The following CHSY1 variants were observed in gnomAD, a reference collection of about 807,000 sequenced individuals.
CHSY1 encodes chondroitin sulfate synthase 1.
Under a neutral mutation model 59.8 loss-of-function variants are expected in CHSY1, and 13 were observed. That is an observed-to-expected ratio of 0.22 (90% CI 0.14 to 0.35). The LOEUF (loss-of-function observed/expected upper bound fraction) is 0.35, where lower values mean the gene tolerates loss of function less well. CHSY1 is among the 10% of genes least tolerant of loss of function. The probability of loss-of-function intolerance (pLI) is 1.00; values close to 1 mark genes in which losing one functional copy is unlikely to be tolerated. For missense variants in CHSY1, 947 were observed against 1,030.6 expected (o/e 0.92, Z 1.11); for synonymous variants, 459 against 401.2 (o/e 1.14, Z -1.72).
Position 101,186,147 on chromosome 15 carries a change from CAAAAAAAAAA to C in CHSY1, c.817-7177_817-7168del, listed in dbSNP as rs35398576. The stretch of plus-strand genomic sequence containing the variant: ...CAACATGGTGAAACCTTGTCTCTAC[CAAAAAAAAAA>C]AAAAAAAAAAAAAATAGCCAGGGGT... On this transcript the variant is annotated intron_variant, in intron 2 of 2. Coordinates refer to ENST00000254190, the MANE Select transcript of CHSY1 (RefSeq NM_014918.5). Among the ~76,000 whole-genome samples the C allele has an allele frequency of 5.6e-3, 449 of 79,586 alleles. 3 individuals are homozygous for C. The highest frequency in any genetic ancestry group is 0.019 in the African/African-American group (407 of 21,272). 52.2% of individuals were successfully genotyped at this position (79,586 alleles called of 152,430 possible).
At chr15:101,237,502 G>C (rs895448594) in intron 1 of CHSY1, among the ~76,000 whole-genome samples, 2 of 152,208 alleles carry the variant, frequency 1.3e-5, no homozygotes, top group African/African-American at 4.8e-5. Context: ...GGGAAGATGA[G>C]TGGTCAATTG....
intron 2 of CHSY1, among the ~76,000 whole-genome samples, chr15:101,218,810 A>C (rs1033661803): frequency 2.0e-5 from 3 of 152,238 alleles, no homozygotes; most frequent in African/African-American, 7.2e-5. Context: ...ACTGTTAAAC[A>C]CATGAGTATA....
At chr15:101,188,075 T>C in intron 2 of CHSY1, 1 of 985,508 alleles carries the variant, frequency 1.0e-6, no homozygotes, top group Non-Finnish European at 1.2e-6. Context: ...GTTCTTCCTG[T>C]TAACTGTTTA....
chr15:101,232,737 C>A (rs534091224), intron 2 of CHSY1, among the ~76,000 whole-genome samples: 140 of 152,306 alleles, frequency 9.2e-4, no homozygotes, highest in Non-Finnish European at 1.6e-3. Flanking sequence ...TAAAGCACTT[C>A]AACAAAACTG....
chr15:101,203,183 TA>T (rs1374808561), intron 2 of CHSY1, among the ~76,000 whole-genome samples: 3 of 151,968 alleles, frequency 2.0e-5, no homozygotes, highest in Non-Finnish European at 2.9e-5. Context: ...ACCCCTGAAA[TA>T]GGGGGGGTGA....
chr15:101,191,604 T>C (rs1015752872), intron 2 of CHSY1, among the ~76,000 whole-genome samples: 1 of 152,184 alleles, frequency 6.6e-6, no homozygotes, highest in Non-Finnish European at 1.5e-5. Flanking sequence ...GGTTCACCAA[T>C]TGTAACAAAG....
At chr15:101,248,911 C>G (rs1234905718) in intron 1 of CHSY1, among the ~76,000 whole-genome samples, 2 of 151,542 alleles carry the variant, frequency 1.3e-5, no homozygotes, top group Non-Finnish European at 2.9e-5. Context: ...CTCAGCCTCC[C>G]GAGTAGCTGG....
rs145002451 is a variant in CHSY1, at chr15:101,178,279, A to G, written c.1518T>C (p.Phe506=). 1,100 of 1,612,924 alleles carry G rather than the reference A, an allele frequency of 6.8e-4. 11 individuals are homozygous for G. In the African/African-American group the frequency reaches 0.013, roughly 20 times the overall value. Residue 506 remains phenylalanine, a synonymous_variant, in exon 3 of 3, where the codon TTT becomes TTC. Transcript: ENST00000254190. ...RINQESGSLS[F]LSNSLKKLVP... ...CGAGCTTCTTCAGGGAGTTTGAGAG[A>G]AAGGACAAGGATCCAGATTCCTGAT...
intron 2 of CHSY1, among the ~76,000 whole-genome samples, chr15:101,229,575 C>G (rs1368278948): frequency 6.6e-6 from 1 of 152,116 alleles, no homozygotes; most frequent in Non-Finnish European, 1.5e-5. Flanking sequence ...AAAAACCTGA[C>G]AGAACTGAAG....
intron 2 of CHSY1, among the ~76,000 whole-genome samples, chr15:101,230,395 A>G (rs1001390254): frequency 6.6e-6 from 1 of 152,158 alleles, no homozygotes; most frequent in Non-Finnish European, 1.5e-5. Flanking sequence ...GTGACAACCC[A>G]AAGTCAAGAA....
chr15:101,219,369 C>T (rs985593837), intron 2 of CHSY1, among the ~76,000 whole-genome samples: 2 of 152,136 alleles, frequency 1.3e-5, no homozygotes, highest in African/African-American at 4.8e-5. Context: ...CTGCAGACGA[C>T]AAAACAAAGG....
chr15:101,205,930 C>G (rs369585057), intron 2 of CHSY1, among the ~76,000 whole-genome samples: 83 of 149,974 alleles, frequency 5.5e-4, no homozygotes, highest in African/African-American at 2.0e-3. Context: ...CCAGCCTGGG[C>G]GAAAGAGAGA....
At chr15:101,188,353 T>C (rs868509098) in intron 2 of CHSY1, 2 of 195,122 alleles carry the variant, frequency 1.0e-5, no homozygotes, top group African/African-American at 2.4e-5. Flanking sequence ...GGTAACTTAC[T>C]GTCCCAAGCA....
intron 2 of CHSY1, among the ~76,000 whole-genome samples, chr15:101,192,020 G>A (rs2038451822): frequency 6.6e-6 from 1 of 152,144 alleles, no homozygotes; most frequent in Non-Finnish European, 1.5e-5. Flanking sequence ...GAGTAGGATT[G>A]TTTGTTCTTT....
chr15:101,219,482 A>G (rs1386775326), intron 2 of CHSY1, among the ~76,000 whole-genome samples: 1 of 152,220 alleles, frequency 6.6e-6, no homozygotes, highest in Non-Finnish European at 1.5e-5. Context: ...CTTTTTAAAA[A>G]TAAACAAATC....
At chr15:101,249,572 G>A (rs184513328) in intron 1 of CHSY1, among the ~76,000 whole-genome samples, 2 of 141,488 alleles carry the variant, frequency 1.4e-5, no homozygotes, top group East Asian at 2.1e-4. Context: ...GGAGTGCAGT[G>A]GCATGATCTT....
Position 101,251,222 on chromosome 15 carries a change from C to A in CHSY1, c.235G>T (p.Gly79Cys). The A allele has an allele frequency of 6.3e-7, 1 of 1,590,010 alleles. No individual in the cohort carries two copies. The highest frequency in any genetic ancestry group is 8.5e-7 in the Non-Finnish European group (1 of 1,172,732). ...QLWPPGSDPDGGPRDRNFLFV... is the reference protein window; with the variant it reads ...QLWPPGSDPDCGPRDRNFLFV... ...AGAAAGTTCCTGTCGCGCGGGCCGCCATCTGGGTCCGAGCCGGGCGGCCAG... is the reference window on the plus strand; with the variant it reads ...AGAAAGTTCCTGTCGCGCGGGCCGCAATCTGGGTCCGAGCCGGGCGGCCAG... The change falls in exon 1 of 3, where the codon GGC (glycine) becomes TGC (cysteine). Residue 79 changes from glycine (G) to cysteine (C), a missense_variant. Physicochemically the swap from Gly to Cys is radical, Grantham distance 159. Transcript: ENST00000254190.
At chr15:101,229,063 C>T (rs553157321) in intron 2 of CHSY1, among the ~76,000 whole-genome samples, 93 of 152,184 alleles carry the variant, frequency 6.1e-4, no homozygotes, top group African/African-American at 2.2e-3. Context: ...AGATGTTCAT[C>T]CCCAAGGCGA....
At chr15:101,201,345 A>T (rs1306397167) in intron 2 of CHSY1, among the ~76,000 whole-genome samples, 1 of 152,206 alleles carries the variant, frequency 6.6e-6, no homozygotes, top group Non-Finnish European at 1.5e-5. Flanking sequence ...CCTTCCGTGA[A>T]TATCAACGTT....
Sources: allele counts gnomAD v4.1 joint callset (sites outside exome capture counted in the v4.1 genomes callset), GRCh38; gene constraint gnomAD v4.1.1; transcripts MANE v1.5; gene names NCBI Gene and HGNC (gene_info 2026-07-23, HGNC 2026-07-21).